Variants in ABCA13 observed in about 807,000 individuals in gnomAD.
The protein encoded by ABCA13 is ATP-binding cassette sub-family A member 13.
Under a neutral mutation model 478.7 loss-of-function variants are expected in ABCA13, and 476 were observed. That is an observed-to-expected ratio of 0.99 (90% CI 0.92 to 1.07). The LOEUF is 1.07. Ranked by LOEUF, ABCA13 falls within the 50% of genes least tolerant of loss-of-function variation. The pLI, the probability that ABCA13 is intolerant of heterozygous loss-of-function variation, is 0.00. For synonymous variants in ABCA13, 2,252 were observed against 2,158.9 expected (o/e 1.04, Z -1.20); for missense variants, 6,060 against 5,910.6 (o/e 1.03, Z -0.83).
chr7:48,233,964 A>T, intron 7 of ABCA13, 54 bp from the exon 8 acceptor site: 1 of 1,599,230 alleles, frequency 6.3e-7, no homozygotes, highest in Admixed American at 1.7e-5. Context: ...ATTACATTAA[A>T]CATATCAAAA....
At chr7:48,478,167 CAT>C in intron 45 of ABCA13, among the ~76,000 whole-genome samples, 1 of 148,312 alleles carries the variant, frequency 6.7e-6, no homozygotes, top group African/African-American at 2.5e-5. Flanking sequence ...TACAGCATAT[CAT>C]ATATCATGAT....
At position 48,310,092 on chromosome 7, in the gene ABCA13, T is replaced by C. The variant is rs1329074761; in HGVS notation, c.9467T>C (p.Leu3156Pro). The change falls in exon 24 of 62, where the codon CTG becomes CCG. Residue 3156 changes from leucine (L) to proline (P), a missense_variant. Leu to Pro is a moderately conservative substitution (Grantham distance 98). This residue lies in a region of ABCA13 where 4,423 missense variants were observed against 4,309.1 expected (regional missense o/e 1.03). Coordinates refer to ENST00000435803, the MANE Select transcript of ABCA13 (RefSeq NM_152701.5). ...CSLPGSKVYSLIVLLSRNLDV... is the reference protein window; with the variant it reads ...CSLPGSKVYSPIVLLSRNLDV... ...CTGCCAGGGTCAAAAGTGTATTCTCTGATTGTGTTGCTGAGTCGAAACTTG... is the reference window on the plus strand; with the variant it reads ...CTGCCAGGGTCAAAAGTGTATTCTCCGATTGTGTTGCTGAGTCGAAACTTG... The C allele has an allele frequency of 6.2e-7, 1 of 1,613,750 alleles. No homozygotes were observed. Among genetic ancestry groups the C allele is most frequent in the Admixed American group, 1.7e-5 (1 of 60,022 alleles).
chr7:48,366,476 GA>G lies in ABCA13; in HGVS notation c.10689-1316del, dbSNP rs1459202456. ...TAGTCCTTTCTGTGCTGCTATCACA[GA>G]ATACCCGAGACTGGGTAGTCTGTGA... On this transcript the variant is annotated intron_variant, in intron 31 of 61. Transcript: ENST00000435803. Among the ~76,000 whole-genome samples, 4 of 152,090 alleles carry G rather than the reference GA, an allele frequency of 2.6e-5. 1 individual carries two copies. The highest frequency in any genetic ancestry group is 5.9e-5 in the Non-Finnish European group (4 of 67,982).
intron 5 of ABCA13, among the ~76,000 whole-genome samples, chr7:48,222,918 C>T (rs913918993): frequency 1.3e-5 from 2 of 151,984 alleles, no homozygotes; most frequent in African/African-American, 4.8e-5. Flanking sequence ...TGGGAGCCCA[C>T]GTAGGGAATC....
At chr7:48,391,288 GT>G (rs1408709126) in intron 37 of ABCA13, among the ~76,000 whole-genome samples, 1 of 152,202 alleles carries the variant, frequency 6.6e-6, no homozygotes, top group African/African-American at 2.4e-5. Context: ...TCTGTAAAAA[GT>G]TGAATGTTAT....
At chr7:48,434,703 G>T (rs1354049686) in intron 42 of ABCA13, among the ~76,000 whole-genome samples, 1 of 151,866 alleles carries the variant, frequency 6.6e-6, no homozygotes, top group African/African-American at 2.4e-5. Context: ...TATGGTAGGT[G>T]TCCATTTTTA....
Position 48,309,990 on chromosome 7 carries a change from A to C in ABCA13, c.9365A>C (p.Asp3122Ala), listed in dbSNP as rs1369833645. ...ALTVALSGKC[D>A]QEILHLLLTF... ...ACCGTAGCTCTGTCTGGAAAGTGTG[A>C]TCAGGAAATCCTTCATCTCCTGCTG... The change falls in exon 24 of 62, where the codon GAT becomes GCT. Residue 3122 changes from aspartate to alanine, a missense_variant. By Grantham distance (126) the Asp-to-Ala change is moderately radical (BLOSUM62 -2). This residue lies in a region of ABCA13 where 4,423 missense variants were observed against 4,309.1 expected (regional missense o/e 1.03). Transcript: ENST00000435803. 1 of 1,613,890 alleles carries C rather than the reference A, an allele frequency of 6.2e-7. No individual in the cohort carries two copies. The highest frequency in any genetic ancestry group is 1.3e-5 in the African/African-American group (1 of 75,040).
At chr7:48,465,144 G>C (rs1038713102) in intron 43 of ABCA13, among the ~76,000 whole-genome samples, 3 of 152,096 alleles carry the variant, frequency 2.0e-5, no homozygotes, top group Non-Finnish European at 4.4e-5. Flanking sequence ...GATTGTGGAG[G>C]GATTCAAATA....
rs1794056616 is a variant in ABCA13, at chr7:48,171,487, G to C, written c.4G>C (p.Gly2Arg). Reference protein sequence around the residue: MGHAGCQFKALL... With the variant: MRHAGCQFKALL... ...CTGAGAGCAGGGAGCAGCAGGCATG[G>C]GGCATGCCGGGTGCCAGTTCAAAGC... The change falls in exon 1 of 62, where the codon GGG becomes CGG. Residue 2 changes from glycine to arginine, a missense_variant. Coordinates refer to ENST00000435803, the MANE Select transcript of ABCA13 (RefSeq NM_152701.5). 1 of 1,535,958 alleles carries C rather than the reference G, an allele frequency of 6.5e-7. No homozygotes were observed. Among genetic ancestry groups the C allele is most frequent in the African/African-American group, 1.4e-5 (1 of 73,006 alleles).
chr7:48,431,219 G>A (rs1822095859), intron 42 of ABCA13, among the ~76,000 whole-genome samples: 1 of 152,080 alleles, frequency 6.6e-6, no homozygotes, highest in Non-Finnish European at 1.5e-5. Flanking sequence ...TTTTAATAGA[G>A]ATGGGATTTC....
chr7:48,196,162 G>T (rs1797903861), intron 2 of ABCA13, among the ~76,000 whole-genome samples: 1 of 152,184 alleles, frequency 6.6e-6, no homozygotes, highest in African/African-American at 2.4e-5. Flanking sequence ...GCCATCCACT[G>T]TGGTAGTAGC....
chr7:48,338,479 A>G, intron 29 of ABCA13, 24 bp downstream of exon 29: 1 of 1,557,500 alleles, frequency 6.4e-7, no homozygotes, highest in South Asian at 1.2e-5. Flanking sequence ...TGGGCATGGT[A>G]GTGTTCTTCT....
chr7:48,287,011 G>T (rs1157646726), intron 19 of ABCA13, among the ~76,000 whole-genome samples: 1 of 152,224 alleles, frequency 6.6e-6, no homozygotes, highest in Non-Finnish European at 1.5e-5. Flanking sequence ...TTTGCCCGTG[G>T]CAGGTCTTGT....
intron 58 of ABCA13, among the ~76,000 whole-genome samples, chr7:48,605,480 A>AGCTTAGTTT (rs1791374622): frequency 6.7e-6 from 1 of 149,870 alleles, no homozygotes; most frequent in Non-Finnish European, 1.5e-5. Context: ...TTGTCTGTAA[A>AGCTTAGTTT]GGCTGGATAT....
intron 47 of ABCA13, 129 bp downstream of exon 47, chr7:48,483,292 G>A (rs1828963991): frequency 6.8e-6 from 5 of 731,986 alleles, no homozygotes; most frequent in Non-Finnish European, 8.5e-6. Flanking sequence ...TAAGCATCAA[G>A]GAAAATTATA....
At chr7:48,346,286 C>G (rs971164925) in intron 29 of ABCA13, among the ~76,000 whole-genome samples, 2 of 152,150 alleles carry the variant, frequency 1.3e-5, no homozygotes, top group Non-Finnish European at 2.9e-5. Flanking sequence ...TCCAGTTCTG[C>G]TACTGGAAGA....
At chr7:48,529,870 G>A (rs899954897) in intron 55 of ABCA13, among the ~76,000 whole-genome samples, 1 of 152,060 alleles carries the variant, frequency 6.6e-6, no homozygotes, top group Admixed American at 6.6e-5. Flanking sequence ...AGTAATTAAT[G>A]AAACAGTTTT....
At chr7:48,460,301 G>A (rs971365945) in intron 43 of ABCA13, among the ~76,000 whole-genome samples, 3 of 152,170 alleles carry the variant, frequency 2.0e-5, no homozygotes, top group African/African-American at 7.2e-5. Flanking sequence ...TTTTCTCACT[G>A]TTCTGGAGGC....
chr7:48,318,332 A>G (rs565655132), intron 27 of ABCA13, among the ~76,000 whole-genome samples: 30 of 151,970 alleles, frequency 2.0e-4, no homozygotes, highest in East Asian at 5.8e-4. Flanking sequence ...CATTTATATA[A>G]TTTATTTAAT....
Sources: gnomAD v4.1 joint callset for allele counts (sites outside exome capture counted in the v4.1 genomes callset) on GRCh38, gnomAD v4.1.1 for gene constraint, gnomAD v4.1.1 regional missense constraint, MANE v1.5 for transcripts, NCBI Gene and HGNC (gene_info 2026-07-23, HGNC 2026-07-21) for gene names.